The following ZWILCH variants were observed in gnomAD, a reference collection of about 807,000 sequenced individuals.
ZWILCH encodes zwilch kinetochore protein, also known as protein zwilch homolog.
In ZWILCH, 74 loss-of-function variants were observed where a neutral mutation model predicts 79.9. The ratio of observed to expected loss-of-function variants is 0.93; its 90% confidence interval spans 0.77 to 1.12. The LOEUF is 1.12. Among genes scored for constraint, ZWILCH ranks in the 50% most tolerant of loss-of-function variants. The pLI is 0.00. For missense variants in ZWILCH, 694 were observed against 687.5 expected (o/e 1.01, Z -0.11); for synonymous variants, 241 against 228.2 (o/e 1.06, Z -0.51).
intron 8 of ZWILCH, among the ~76,000 whole-genome samples, chr15:66,526,169 C>T (rs1020310383): frequency 1.7e-4 from 26 of 152,256 alleles, no homozygotes; most frequent in African/African-American, 6.0e-4. Flanking sequence ...CTTGATACTT[C>T]TGATAGAGAA....
At chr15:66,505,692 C>A in intron 1 of ZWILCH, 1 of 421,190 alleles carries the variant, frequency 2.4e-6, no homozygotes. Context: ...AGGCACCACC[C>A]GGGATACGGA....
intron 7 of ZWILCH, among the ~76,000 whole-genome samples, chr15:66,522,095 G>T (rs1006037586): frequency 6.6e-6 from 1 of 151,918 alleles, no homozygotes; most frequent in Non-Finnish European, 1.5e-5. Context: ...CTACTCGGGA[G>T]GCTGAGGCAG....
intron 12 of ZWILCH, 44 bp downstream of exon 12, chr15:66,529,617 G>A (rs779628642): frequency 1.4e-6 from 2 of 1,464,668 alleles, no homozygotes; most frequent in Non-Finnish European, 1.9e-6. Flanking sequence ...CAGCAGCATA[G>A]CATGATGTAA....
At chr15:66,544,936 G>T (rs1327165024) in intron 17 of ZWILCH, among the ~76,000 whole-genome samples, 1 of 151,628 alleles carries the variant, frequency 6.6e-6, no homozygotes, top group Non-Finnish European at 1.5e-5. Context: ...TAGAGATGGG[G>T]TTTCACCATG....
chr15:66,532,022 G>A (rs926994880), intron 12 of ZWILCH, among the ~76,000 whole-genome samples: 9 of 152,088 alleles, frequency 5.9e-5, no homozygotes, highest in East Asian at 1.9e-4. Flanking sequence ...AGCCGAGATC[G>A]TGCCACTGCA....
intron 17 of ZWILCH, among the ~76,000 whole-genome samples, chr15:66,545,382 T>A (rs1480337256): frequency 6.6e-6 from 1 of 152,178 alleles, no homozygotes; most frequent in Non-Finnish European, 1.5e-5. Context: ...TTTTATTTTG[T>A]AGAGATTAGA....
intron 7 of ZWILCH, 30 bp from the exon 8 acceptor site, chr15:66,523,647 G>T (rs775932300): frequency 1.3e-6 from 2 of 1,537,304 alleles, no homozygotes; most frequent in Non-Finnish European, 1.8e-6. Context: ...ATTAGCACTA[G>T]AAAACTGACA....
chr15:66,534,560 T>C (rs76549445), intron 14 of ZWILCH, among the ~76,000 whole-genome samples: 27,028 of 152,210 alleles, frequency 0.18, 3,041 homozygotes, highest in Middle Eastern at 0.29. Flanking sequence ...TATAACCTAC[T>C]GCACACCTAG....
chr15:66,505,331 G>A lies in ZWILCH; in HGVS notation c.-8G>A. The A allele has an allele frequency of 1.2e-6, 2 of 1,613,678 alleles. No individual in the cohort carries two copies. Among genetic ancestry groups the A allele is most frequent in the East Asian group, 2.2e-5 (1 of 44,874 alleles). ...GCGGTTCCGGTACCGCTCTCACATT[G>A]GGGCGGGATGTGGGAGCGGCTGAAC... is the stretch of plus-strand genomic sequence containing the variant. On this transcript the variant is annotated 5_prime_UTR_variant, in exon 1 of 19. Transcript: ENST00000307897.
intron 1 of ZWILCH, among the ~76,000 whole-genome samples, chr15:66,508,263 G>A (rs1893902826): frequency 6.6e-6 from 1 of 152,124 alleles, no homozygotes; most frequent in Admixed American, 6.5e-5. Context: ...TTGAATTAAA[G>A]GATAATAATT....
intron 13 of ZWILCH, among the ~76,000 whole-genome samples, 180 bp from the exon 14 acceptor site, chr15:66,532,805 T>C (rs1407864925): frequency 6.6e-6 from 1 of 151,972 alleles, no homozygotes; most frequent in Non-Finnish European, 1.5e-5. Flanking sequence ...CTTGGCCTTT[T>C]GTGAGGAACT....
In ZWILCH at chr15:66,505,349, G is replaced by T. The variant is rs1893767738; in HGVS notation, c.11G>T (p.Arg4Leu). 6 of 1,613,994 alleles carry T rather than the reference G, an allele frequency of 3.7e-6. No individual in the cohort carries two copies. The East Asian group carries it at 8.9e-5, about 24-fold the overall frequency. Residue 4 changes from arginine (R) to leucine (L), a missense_variant, in exon 1 of 19, where the codon CGG becomes CTG. Physicochemically the swap from Arg to Leu is moderately radical, Grantham distance 102. Coordinates refer to ENST00000307897, the MANE Select transcript of ZWILCH (RefSeq NM_017975.5). Reference protein sequence around the residue: MWERLNCAAEDFYS... With the variant: MWELLNCAAEDFYS... ...TCACATTGGGGCGGGATGTGGGAGC[G>T]GCTGAACTGCGCAGCAGAGGACTTT...
intron 13 of ZWILCH, 98 bp from the exon 14 acceptor site, chr15:66,532,879 TAATTTAAG>T (rs955223477): frequency 1.3e-4 from 98 of 774,458 alleles, no homozygotes; most frequent in Admixed American, 4.1e-4. Flanking sequence ...CCTTAATATG[TAATTTAAG>T]AATTTAAGAA....
intron 8 of ZWILCH, among the ~76,000 whole-genome samples, chr15:66,526,133 T>A (rs752640476): frequency 6.6e-5 from 10 of 152,304 alleles, no homozygotes; most frequent in Non-Finnish European, 7.3e-5. Flanking sequence ...GGAAATGTTG[T>A]ATTTTCTCTT....
chr15:66,512,320 A>G (rs1346426446), intron 2 of ZWILCH, among the ~76,000 whole-genome samples: 2 of 151,938 alleles, frequency 1.3e-5, no homozygotes, highest in African/African-American at 2.4e-5. Context: ...GTTCAGTAGT[A>G]TGATCAAAGT....
rs919695022 is a variant in ZWILCH at position 66,523,853 on chromosome 15, G to T, written c.819+105G>T. On this transcript the variant is annotated intron_variant, in intron 8 of 18. Coordinates refer to ENST00000307897, the MANE Select transcript of ZWILCH (RefSeq NM_017975.5). Reference sequence around the variant, plus strand: ...TGTGTTACTCAAAACTTCTTCAGATGTTATGTATCCATTAGAAGCTCTGAC... The same window carrying T: ...TGTGTTACTCAAAACTTCTTCAGATTTTATGTATCCATTAGAAGCTCTGAC... The T allele has an allele frequency of 5.1e-6, 4 of 787,338 alleles. No homozygotes were observed. In the African/African-American group the frequency reaches 5.1e-5, roughly 10 times the overall value. 48.8% of individuals were successfully genotyped at this position (787,338 alleles called of 1,614,324 possible). A position where few individuals can be genotyped will look rare whatever the true frequency, so the allele number is the denominator to read the frequency against.
chr15:66,510,051 G>A (rs1392117859), intron 2 of ZWILCH, among the ~76,000 whole-genome samples: 4 of 150,150 alleles, frequency 2.7e-5, no homozygotes, highest in Non-Finnish European at 4.5e-5. Flanking sequence ...GGTGGCGTGT[G>A]CCTGTAGTCC....
intron 11 of ZWILCH, 102 bp from the exon 12 acceptor site, chr15:66,529,392 A>G: frequency 1.5e-6 from 1 of 675,142 alleles, no homozygotes; most frequent in South Asian, 2.8e-5. Context: ...TGCAAAGTAC[A>G]AATTCTTGCT....
At chr15:66,515,232 C>T (rs940655705) in intron 3 of ZWILCH, among the ~76,000 whole-genome samples, 8 of 152,026 alleles carry the variant, frequency 5.3e-5, no homozygotes, top group African/African-American at 9.7e-5. Context: ...TACAGGCATG[C>T]GACACCATGT....
Sources: allele counts gnomAD v4.1 joint callset (sites outside exome capture counted in the v4.1 genomes callset), GRCh38; gene constraint gnomAD v4.1.1; transcripts MANE v1.5; gene names NCBI Gene and HGNC (gene_info 2026-07-23, HGNC 2026-07-21).